The following UBE3C variants were observed in gnomAD, a reference collection of about 807,000 sequenced individuals.
The protein encoded by UBE3C is ubiquitin protein ligase E3C, also known as ubiquitin-protein ligase E3C.
In UBE3C, 42 loss-of-function variants were observed where a neutral mutation model predicts 129.4. The observed-to-expected ratio is 0.32, with a 90% confidence interval of 0.25 to 0.42. The LOEUF (loss-of-function observed/expected upper bound fraction) is 0.42. UBE3C is among the 10% of genes least tolerant of loss of function. UBE3C has a pLI of 1.00. For missense variants in UBE3C, 1,049 were observed against 1,319.1 expected (o/e 0.80, Z 3.17); for synonymous variants, 510 against 492.4 (o/e 1.04, Z -0.47).
intron 1 of UBE3C, among the ~76,000 whole-genome samples, chr7:157,161,398 T>C (rs1808066435): frequency 6.6e-6 from 1 of 152,174 alleles, no homozygotes; most frequent in Non-Finnish European, 1.5e-5. Flanking sequence ...TGAAGGTTTT[T>C]TATGTGAAAT....
intron 13 of UBE3C, among the ~76,000 whole-genome samples, chr7:157,214,635 G>A (rs899551621): frequency 1.3e-5 from 2 of 152,184 alleles, no homozygotes; most frequent in Admixed American, 6.5e-5. Flanking sequence ...AAAATGGAAA[G>A]ACCAGACACG....
chr7:157,256,814 C>A, intron 21 of UBE3C, 100 bp from the exon 22 acceptor site: 1 of 1,493,544 alleles, frequency 6.7e-7, no homozygotes. Flanking sequence ...CTTGAGGATC[C>A]ATGGACTTTA....
At chr7:157,175,088 AG>A in intron 5 of UBE3C, 54 bp downstream of exon 5, 1 of 1,170,970 alleles carries the variant, frequency 8.5e-7, no homozygotes, top group African/African-American at 1.7e-5. Flanking sequence ...CACCTTGTCT[AG>A]GGGAACACCT....
intron 22 of UBE3C, among the ~76,000 whole-genome samples, chr7:157,260,558 G>A (rs996754021): frequency 3.3e-5 from 5 of 152,194 alleles, no homozygotes; most frequent in South Asian, 2.1e-4. Context: ...GCGTGCAGAC[G>A]ACTTTTTATC....
intron 17 of UBE3C, among the ~76,000 whole-genome samples, chr7:157,225,777 T>C (rs1034941740): frequency 6.6e-6 from 1 of 152,134 alleles, no homozygotes; most frequent in Non-Finnish European, 1.5e-5. Flanking sequence ...ACTGAGACCC[T>C]GCCTCAACAA....
At chr7:157,246,239 C>T (rs1210536866) in intron 18 of UBE3C, among the ~76,000 whole-genome samples, 3 of 152,064 alleles carry the variant, frequency 2.0e-5, no homozygotes, top group East Asian at 3.9e-4. Flanking sequence ...ACTACACATA[C>T]GAAGTAGATT....
chr7:157,230,394 T>TG (rs1257434010), intron 17 of UBE3C, among the ~76,000 whole-genome samples: 2 of 140,516 alleles, frequency 1.4e-5, no homozygotes, highest in African/African-American at 5.2e-5. Context: ...GATAAGCTTT[T>TG]GAAAAAAAAA....
chr7:157,211,237 G>A (rs1213960343), intron 13 of UBE3C, among the ~76,000 whole-genome samples: 1 of 149,396 alleles, frequency 6.7e-6, no homozygotes, highest in Non-Finnish European at 1.5e-5. Flanking sequence ...TGGTTAAGTT[G>A]TATTTTTTCA....
Position 157,148,664 on chromosome 7 carries a change from A to AT in UBE3C, c.66+9327dup, listed in dbSNP as rs1586642583. ...TGCTCCATATACATTGTAGTGGAACATAAAAACTTTTTCTTACAGATCTGG... is the reference window on the plus strand; with the variant it reads ...TGCTCCATATACATTGTAGTGGAACATTAAAAACTTTTTCTTACAGATCTGG... On this transcript the variant is annotated intron_variant, in intron 1 of 22. Transcript: ENST00000348165. 4.6e-5 allele frequency among the ~76,000 whole-genome samples: 7 copies of AT among 152,210 alleles called. No homozygotes were observed. In the East Asian group the frequency reaches 1.3e-3, roughly 29 times the overall value.
intron 1 of UBE3C, among the ~76,000 whole-genome samples, chr7:157,154,160 A>G (rs959243551): frequency 1.3e-5 from 2 of 152,066 alleles, no homozygotes; most frequent in Non-Finnish European, 2.9e-5. Context: ...GTCTCTACTA[A>G]AAATGCAAAA....
At chr7:157,256,804 C>G (rs1023337301) in intron 21 of UBE3C, 110 bp from the exon 22 acceptor site, 3 of 1,437,744 alleles carry the variant, frequency 2.1e-6, no homozygotes, top group Non-Finnish European at 2.8e-6. Flanking sequence ...AGAGAAGGGA[C>G]TTGAGGATCC....
In UBE3C at chr7:157,163,938, A is replaced by G. The variant is rs1808144214; in HGVS notation, c.120+75A>G. On this transcript the variant is annotated intron_variant, in intron 2 of 22. Coordinates refer to ENST00000348165, the MANE Select transcript of UBE3C (RefSeq NM_014671.3). ...TTTAAACATGCCTTGGTTTTACTGT[A>G]TATATGTATGTGTGTATGTATTTTT... The G allele has an allele frequency of 2.1e-5, 28 of 1,351,204 alleles. 1 individual carries two copies. The South Asian group carries it at 3.3e-4, about 16-fold the overall frequency. 83.7% of individuals were successfully genotyped at this position (1,351,204 alleles called of 1,614,324 possible).
intron 22 of UBE3C, 68 bp from the exon 23 acceptor site, chr7:157,267,517 C>G: frequency 6.4e-7 from 1 of 1,570,224 alleles, no homozygotes; most frequent in Non-Finnish European, 8.7e-7. Flanking sequence ...ATTTTGTGTA[C>G]TTTGTATTAA....
chr7:157,183,211 C>T (rs1808715161), intron 8 of UBE3C, among the ~76,000 whole-genome samples: 1 of 152,134 alleles, frequency 6.6e-6, no homozygotes, highest in East Asian at 1.9e-4. Context: ...TGTCAGATCC[C>T]ATCATCTGAG....
chr7:157,184,934 A>C (rs940379176), intron 9 of UBE3C, among the ~76,000 whole-genome samples: 3 of 152,232 alleles, frequency 2.0e-5, no homozygotes, highest in African/African-American at 7.2e-5. Context: ...CTGATGACAA[A>C]GGAGTGAAGC....
At chr7:157,244,739 TCTA>T (rs1359796002) in intron 18 of UBE3C, among the ~76,000 whole-genome samples, 4 of 152,254 alleles carry the variant, frequency 2.6e-5, no homozygotes, top group African/African-American at 9.6e-5. Flanking sequence ...TTAAAAGGCT[TCTA>T]CTATAATTAA....
intron 1 of UBE3C, among the ~76,000 whole-genome samples, chr7:157,144,893 A>G (rs565559034): frequency 4.5e-4 from 69 of 152,300 alleles, no homozygotes; most frequent in Non-Finnish European, 7.3e-4. Flanking sequence ...TCAGGTTCAC[A>G]CTGTGTGTTG....
intron 10 of UBE3C, chr7:157,189,015 A>T (rs1025603675): frequency 1.8e-5 from 10 of 558,872 alleles, no homozygotes; most frequent in African/African-American, 5.5e-5. Context: ...AGATGCGTAC[A>T]TGAAAACCGG....
At chr7:157,186,767 G>T (rs1466654848) in intron 9 of UBE3C, 67 bp from the exon 10 acceptor site, 1 of 1,560,304 alleles carries the variant, frequency 6.4e-7, no homozygotes, top group African/African-American at 1.4e-5. Context: ...TTTCGTATAT[G>T]TTTGTAGTGT....
Sources: allele counts gnomAD v4.1 joint callset (sites outside exome capture counted in the v4.1 genomes callset), GRCh38; gene constraint gnomAD v4.1.1; transcripts MANE v1.5; gene names NCBI Gene and HGNC (gene_info 2026-07-23, HGNC 2026-07-21).